Variants in GGT5 observed in about 807,000 individuals in gnomAD.
GGT5 encodes glutathione hydrolase 5 proenzyme.
A neutral mutation model predicts 58.1 loss-of-function variants in GGT5; 50 were observed. That is an observed-to-expected ratio of 0.86 (90% CI 0.69 to 1.09). The LOEUF (loss-of-function observed/expected upper bound fraction) is 1.09, where lower values mean the gene tolerates loss of function less well. Among genes scored for constraint, GGT5 ranks in the 50% least tolerant of loss-of-function variants. GGT5 has a pLI of 0.00. For missense variants in GGT5, 800 were observed against 789.4 expected, an observed-to-expected ratio of 1.01 and a Z score of -0.16; for synonymous variants, 370 against 346.1, an observed-to-expected ratio of 1.07 and a Z score of -0.77.
intron 6 of GGT5, among the ~76,000 whole-genome samples, chr22:24,229,132 G>A (rs367901966): frequency 2.0e-5 from 3 of 151,558 alleles, no homozygotes; most frequent in African/African-American, 7.3e-5. Flanking sequence ...GGCCCAGCAT[G>A]GTGGCTCACA....
rs762309530 is a variant in GGT5 at position 24,225,448 on chromosome 22, C to G, written c.1337-37G>C. ...ACAGCGTCTTGGCAAGTGCAGTGAC[C>G]CATCCAGGGGTTAGCATGCAACCCC... On this transcript the variant is annotated intron_variant, in intron 9 of 11. Transcript: ENST00000327365. 1.4e-5 allele frequency: 22 copies of G among 1,608,066 alleles called. No homozygotes were observed. The Admixed American group carries it at 3.7e-4, about 27-fold the overall frequency.
chr22:24,231,672 G>T (rs770897706), intron 5 of GGT5, 142 bp from the exon 6 acceptor site: 18 of 867,780 alleles, frequency 2.1e-5, no homozygotes, highest in Non-Finnish European at 3.0e-5. Flanking sequence ...TGTAGGCAGT[G>T]GCCTCAGGAC....
chr22:24,229,249 CA>C lies in GGT5; in HGVS notation c.901+2134del, dbSNP rs112060684. Among the ~76,000 whole-genome samples, 185 of 133,852 alleles carry C rather than the reference CA, an allele frequency of 1.4e-3. 1 individual carries two copies. Among genetic ancestry groups the C allele is most frequent in the South Asian group, 0.011 (47 of 4,204 alleles). 87.8% of individuals were successfully genotyped at this position (133,852 alleles called of 152,430 possible). A position where few individuals can be genotyped will look rare whatever the true frequency, so the allele number is the denominator to read the frequency against. ...TGAAACCCCATCTTTACTAATAATA[CA>C]AAAAAAAAAAATTAGTTGTGGTGGC... On this transcript the variant is annotated intron_variant, in intron 6 of 11. Coordinates refer to ENST00000327365, the MANE Select transcript of GGT5 (RefSeq NM_004121.5).
chr22:24,229,583 G>A (rs2047879736), intron 6 of GGT5, among the ~76,000 whole-genome samples: 2 of 151,966 alleles, frequency 1.3e-5, no homozygotes. Flanking sequence ...TGTAATTCCA[G>A]CACTTTGGGA....
intron 6 of GGT5, among the ~76,000 whole-genome samples, chr22:24,230,624 A>T (rs1334503403): frequency 6.6e-6 from 1 of 152,154 alleles, no homozygotes; most frequent in Admixed American, 6.6e-5. Flanking sequence ...ATTATCATTG[A>T]TTGTAAACAA....
In GGT5 at chr22:24,228,048, C is replaced by CAAAAAAAAAAAAAAA. The variant is rs1273239063; in HGVS notation, c.902-1296_902-1282dup. Among the ~76,000 whole-genome samples, 138 of 21,846 alleles carry CAAAAAAAAAAAAAAA rather than the reference C, an allele frequency of 6.3e-3. 9 individuals are homozygous for CAAAAAAAAAAAAAAA. The highest frequency in any genetic ancestry group is 0.042 in the Middle Eastern group (1 of 24). The allele number at this position is 21,846 out of a possible 152,430, so 14.3% of individuals were successfully genotyped here. A position where few individuals can be genotyped will look rare whatever the true frequency, so the allele number is the denominator to read the frequency against. On this transcript the variant is annotated intron_variant, in intron 6 of 11. Coordinates refer to ENST00000327365, the MANE Select transcript of GGT5 (RefSeq NM_004121.5). ...TAGTAAACAGAGCAAGACTCTGTCTCAAAAAAAAAAAAAAAAAACAAAACA... is the reference window on the plus strand; with the variant it reads ...TAGTAAACAGAGCAAGACTCTGTCTCAAAAAAAAAAAAAAAAAAAAAAAAAAAAAAAAACAAAACA...
intron 5 of GGT5, among the ~76,000 whole-genome samples, 161 bp downstream of exon 5, chr22:24,231,890 G>T (rs1016999774): frequency 6.6e-6 from 1 of 152,126 alleles, no homozygotes; most frequent in South Asian, 2.1e-4. Context: ...TGGACCACAG[G>T]GGTCCTTGGG....
chr22:24,244,664 G>A lies in GGT5; in HGVS notation c.62C>T (p.Ala21Val), dbSNP rs1310867540. 1.2e-6 allele frequency: 2 copies of A among 1,612,684 alleles called. No individual in the cohort carries two copies. The highest frequency in any genetic ancestry group is 3.3e-5 in the Admixed American group (2 of 59,992). ...LVLLGLGLAL[A>V]VIVLAVVLSR... ...GAGGACCACAGCCAGCACAATGACA[G>A]CCAGCGCCAGCCCCAGACCCAGCAG... Residue 21 changes from alanine to valine, a missense_variant, in exon 1 of 12, where the codon GCT (alanine) becomes GTT (valine). Coordinates refer to ENST00000327365, the MANE Select transcript of GGT5 (RefSeq NM_004121.5).
chr22:24,237,648 C>A (rs2048137677), intron 1 of GGT5, among the ~76,000 whole-genome samples: 2 of 151,984 alleles, frequency 1.3e-5, no homozygotes, highest in Admixed American at 6.6e-5. Context: ...ACCTCGTGAT[C>A]TGCCTGCCTT....
intron 11 of GGT5, chr22:24,220,400 C>G (rs2047555375): frequency 1.8e-6 from 1 of 561,252 alleles, no homozygotes; most frequent in African/African-American, 1.9e-5. Flanking sequence ...GACACCAGGG[C>G]CTTGAGGTGC....
At chr22:24,242,668 GGA>G (rs1185111811) in intron 1 of GGT5, 1 of 152,418 alleles carries the variant, frequency 6.6e-6, no homozygotes, top group Non-Finnish European at 1.5e-5. Context: ...AGCACAGAGG[GGA>G]GAGATGATGG....
chr22:24,232,800 C>G (rs374847502), intron 4 of GGT5, 23 bp downstream of exon 4: 93 of 1,464,008 alleles, frequency 6.4e-5, no homozygotes, highest in Non-Finnish European at 7.9e-5. Context: ...CCCAGGAACC[C>G]AGGGCCACCA....
chr22:24,239,596 T>C lies in GGT5; in HGVS notation c.173+4957A>G, dbSNP rs538583254. Among the ~76,000 whole-genome samples, 97 of 152,128 alleles carry C rather than the reference T, an allele frequency of 6.4e-4. 1 individual carries two copies. The South Asian group carries it at 0.02, about 31-fold the overall frequency. ...ATTGAATGGATACTCGGGGCTTCATTACACAATTCTCTTTACTCTTACATA... is the reference window on the plus strand; with the variant it reads ...ATTGAATGGATACTCGGGGCTTCATCACACAATTCTCTTTACTCTTACATA... On this transcript the variant is annotated intron_variant, in intron 1 of 11. Transcript: ENST00000327365.
intron 1 of GGT5, among the ~76,000 whole-genome samples, chr22:24,238,761 ATATATATATATATATATAATATATAT>A (rs2048176465): frequency 4.8e-5 from 1 of 20,872 alleles, no homozygotes; most frequent in Non-Finnish European, 7.7e-5. Flanking sequence ...TATATATGGA[ATATATATATATATATATAATATATAT>A]TATATATTTA....
At chr22:24,232,311 C>A in intron 4 of GGT5, 103 bp from the exon 5 acceptor site, 1 of 608,032 alleles carries the variant, frequency 1.6e-6, no homozygotes, top group Non-Finnish European at 2.8e-6. Context: ...CAGTGGGGGG[C>A]GCCCTGGCCC....
chr22:24,232,809 C>T lies in GGT5; in HGVS notation c.596+14G>A. 6.8e-7 allele frequency: 1 copy of T among 1,478,550 alleles called. No individual in the cohort carries two copies. The highest frequency in any genetic ancestry group is 1.4e-5 in the South Asian group (1 of 74,070). The allele number at this position is 1,478,550 out of a possible 1,614,324, so 91.6% of individuals were successfully genotyped here. A position where few individuals can be genotyped will look rare whatever the true frequency, so the allele number is the denominator to read the frequency against. On this transcript the variant is annotated intron_variant, in intron 4 of 11. Transcript: ENST00000327365. ...CTTGAACCCAGGAACCCAGGGCCAC[C>T]ATGTGGGGCTCACCGCAGGGTTGAC...
Position 24,226,280 on chromosome 22 carries a change from G to A in GGT5, c.1039-14C>T. 1.3e-6 allele frequency: 2 copies of A among 1,581,602 alleles called. No homozygotes were observed. The highest frequency in any genetic ancestry group is 1.7e-6 in the Non-Finnish European group (2 of 1,166,068). On this transcript the variant is annotated splice_polypyrimidine_tract_variant and intron_variant, in intron 7 of 11. Transcript: ENST00000327365. The stretch of plus-strand genomic sequence containing the variant: ...CCGGGAGGCATTCTGGGGTGGGTGG[G>A]CAGGTGGCAGGGTCAGTGAGGGGCC...
chr22:24,233,749 G>C, intron 2 of GGT5, 125 bp downstream of exon 2: 2 of 996,766 alleles, frequency 2.0e-6, no homozygotes, highest in Non-Finnish European at 3.1e-6. Flanking sequence ...GAGGCAAATG[G>C]GGCAGGGCAG....
intron 1 of GGT5, among the ~76,000 whole-genome samples, chr22:24,239,733 G>A (rs910195407): frequency 2.6e-5 from 4 of 151,918 alleles, no homozygotes; most frequent in African/African-American, 4.8e-5. Context: ...AGTCACTGGG[G>A]GTAAATTTAG....
Sources: allele counts gnomAD v4.1 joint callset (sites outside exome capture counted in the v4.1 genomes callset), GRCh38; gene constraint gnomAD v4.1.1; transcripts MANE v1.5; gene names NCBI Gene and HGNC (gene_info 2026-07-23, HGNC 2026-07-21).